The following CLXN variants were observed in gnomAD, a reference collection of about 807,000 sequenced individuals.
The protein encoded by CLXN is EF-hand calcium binding domain 1.
the CLXN span, among the ~76,000 whole-genome samples, chr8:48,713,399 G>A: frequency 6.6e-6 from 1 of 152,178 alleles, no homozygotes; most frequent in Non-Finnish European, 1.5e-5. Context: ...GAGCGTCAGA[G>A]GTGACTCTGG....
chr8:48,717,245 G>T, the CLXN span, among the ~76,000 whole-genome samples: 5 of 152,174 alleles, frequency 3.3e-5, no homozygotes, highest in African/African-American at 1.2e-4. Context: ...TAATCAAATT[G>T]TCAGAAGTCA....
chr8:48,717,664 T>C, the CLXN span, among the ~76,000 whole-genome samples: 3 of 152,222 alleles, frequency 2.0e-5, no homozygotes, highest in South Asian at 6.2e-4. Context: ...TGTAAATTAC[T>C]GTTAACCCTA....
the CLXN span, among the ~76,000 whole-genome samples, chr8:48,728,186 A>C: frequency 6.6e-6 from 1 of 152,182 alleles, no homozygotes; most frequent in African/African-American, 2.4e-5. Flanking sequence ...CAAGCTCCAC[A>C]AGCTGTGCTT....
the CLXN span, chr8:48,729,171 G>A: frequency 6.4e-7 from 1 of 1,554,218 alleles, no homozygotes; most frequent in Non-Finnish European, 8.8e-7. Flanking sequence ...AACATGTTAG[G>A]CAACACGTAA....
At chr8:48,733,404 A>C in the CLXN span, among the ~76,000 whole-genome samples, 1 of 152,234 alleles carries the variant, frequency 6.6e-6, no homozygotes, top group Admixed American at 6.5e-5. Flanking sequence ...ATAGGTTTTC[A>C]TCTTCTTGGA....
chr8:48,711,828 C>T, the CLXN span: 7 of 152,160 alleles, frequency 4.6e-5, no homozygotes, highest in Admixed American at 6.5e-5. Flanking sequence ...ACACATAGGA[C>T]GTTCCTGATT....
the CLXN span, chr8:48,735,220 A>G: frequency 6.4e-7 from 1 of 1,565,708 alleles, no homozygotes; most frequent in Non-Finnish European, 8.8e-7. Flanking sequence ...CCCTCGCGGG[A>G]CCCCCGCGAG....
chr8:48,724,567 T>C, the CLXN span: 9 of 474,072 alleles, frequency 1.9e-5, no homozygotes, highest in Non-Finnish European at 3.3e-5. Flanking sequence ...ACTTCTTGTC[T>C]TCCATCTATT....
At chr8:48,711,822 A>G in the CLXN span, 3 of 152,240 alleles carry the variant, frequency 2.0e-5, no homozygotes, top group African/African-American at 7.2e-5. Context: ...GTTGAGACAC[A>G]TAGGACGTTC....
At chr8:48,717,529 G>A in the CLXN span, among the ~76,000 whole-genome samples, 19 of 152,258 alleles carry the variant, frequency 1.2e-4, no homozygotes, top group African/African-American at 4.3e-4. Flanking sequence ...TTACAAAAAT[G>A]GTAGAGAGTT....
chr8:48,716,958 A>G, the CLXN span, among the ~76,000 whole-genome samples: 1 of 152,166 alleles, frequency 6.6e-6, no homozygotes, highest in Non-Finnish European at 1.5e-5. Context: ...GATTAAAGAA[A>G]TGCAGAGGAC....
At chr8:48,735,305 G>T in the CLXN span, 1 of 824,668 alleles carries the variant, frequency 1.2e-6, no homozygotes, top group Non-Finnish European at 1.9e-6. Context: ...GTGTAGCCAA[G>T]GCAACGGCTC....
the CLXN span, chr8:48,729,578 CTAT>C: frequency 1.3e-6 from 1 of 799,060 alleles, no homozygotes; most frequent in East Asian, 2.8e-5. Context: ...CTGAAAAGAA[CTAT>C]TAATATGTTG....
chr8:48,725,325 A>G, the CLXN span, among the ~76,000 whole-genome samples: 3 of 152,204 alleles, frequency 2.0e-5, no homozygotes, highest in South Asian at 6.2e-4. Context: ...GATAGGAAGA[A>G]GTGATAGTAG....
the CLXN span, among the ~76,000 whole-genome samples, chr8:48,719,418 A>G: frequency 1.3e-5 from 2 of 151,872 alleles, no homozygotes; most frequent in Non-Finnish European, 2.9e-5. Context: ...ACTTACAAAA[A>G]CTCCTTTCTT....
the CLXN span, chr8:48,734,772 C>A: frequency 3.5e-6 from 1 of 289,800 alleles, no homozygotes; most frequent in Non-Finnish European, 6.4e-6. Flanking sequence ...TTGGTTTTAG[C>A]ATTTATTTTA....
chr8:48,735,223 C>A, the CLXN span: 2 of 1,567,662 alleles, frequency 1.3e-6, no homozygotes, highest in South Asian at 2.2e-5. Context: ...TCGCGGGACC[C>A]CCGCGAGCCC....
chr8:48,735,204 C>T, the CLXN span: 1 of 1,605,900 alleles, frequency 6.2e-7, no homozygotes, highest in African/African-American at 1.3e-5. Context: ...CGCGCGGCTA[C>T]CGAGACCCTC....
chr8:48,730,650 G>C, the CLXN span: 1 of 1,573,772 alleles, frequency 6.4e-7, no homozygotes, highest in Non-Finnish European at 8.7e-7. Flanking sequence ...GAATACTAAA[G>C]GGAGAGAGGT....
Sources: allele counts gnomAD v4.1 joint callset (sites outside exome capture counted in the v4.1 genomes callset), GRCh38; gene constraint gnomAD v4.1.1; transcripts MANE v1.5; gene names NCBI Gene and HGNC (gene_info 2026-07-23, HGNC 2026-07-21).